EZH1: variants seen among roughly 807,000 people sequenced by gnomAD.
EZH1 encodes enhancer of zeste 1 polycomb repressive complex 2 subunit.
Under a neutral mutation model 100.5 loss-of-function variants are expected in EZH1, and 33 were observed. That is an observed-to-expected ratio of 0.33 (90% CI 0.25 to 0.44). The LOEUF (loss-of-function observed/expected upper bound fraction) is 0.44. Among genes scored for constraint, EZH1 ranks in the 20% least tolerant of loss-of-function variants. The pLI is 1.00. For synonymous variants in EZH1, 272 were observed against 313.8 expected (o/e 0.87, Z 1.41); for missense variants, 475 against 928.4 (o/e 0.51, Z 6.35).
rs2053225670 is a variant in EZH1 at position 42,700,823 on chromosome 17, G to GT, written c.*1708dup. The GT allele has an allele frequency of 6.6e-6, 1 of 152,324 alleles. No homozygotes were observed. Among genetic ancestry groups the GT allele is most frequent in the Non-Finnish European group, 1.5e-5 (1 of 68,130 alleles). The allele number at this position is 152,324 out of a possible 1,614,324, so 9.4% of individuals were successfully genotyped here. A position where few individuals can be genotyped will look rare whatever the true frequency, so the allele number is the denominator to read the frequency against. ...TCAGGAGTTGCTGGGTGCGGGGTAC[G>GT]TGTGTGCCCTCCAGTGTGGTGAGTG... On this transcript the variant is annotated 3_prime_UTR_variant, in exon 21 of 21. Coordinates refer to ENST00000428826, the MANE Select transcript of EZH1 (RefSeq NM_001991.5).
rs560437214 is a variant in EZH1, at chr17:42,701,605, T to G, written c.*927A>C. The G allele has an allele frequency of 2.0e-5, 3 of 152,896 alleles. No individual in the cohort carries two copies. Among genetic ancestry groups the G allele is most frequent in the African/African-American group, 7.2e-5 (3 of 41,440 alleles). 9.5% of individuals were successfully genotyped at this position (152,896 alleles called of 1,614,324 possible). ...AACACTGGCCATTGGGCCTTGCCTC[T>G]ATGGGGAATGGAAGGCCTGAAAACA... On this transcript the variant is annotated 3_prime_UTR_variant, in exon 21 of 21. Coordinates refer to ENST00000428826, the MANE Select transcript of EZH1 (RefSeq NM_001991.5).
intron 16 of EZH1, chr17:42,705,739 C>T (rs1442849117): frequency 3.7e-6 from 1 of 269,904 alleles, no homozygotes; most frequent in South Asian, 7.5e-5. Context: ...AGGCTGGTCT[C>T]GAACTCTTGA....
intron 1 of EZH1, among the ~76,000 whole-genome samples, chr17:42,731,373 A>G (rs1438593411): frequency 6.6e-6 from 1 of 152,040 alleles, no homozygotes; most frequent in Non-Finnish European, 1.5e-5. Context: ...TCGGCCTCCC[A>G]AAGTACTGGG....
chr17:42,721,461 C>G (rs185732161), intron 6 of EZH1, among the ~76,000 whole-genome samples: 118 of 152,262 alleles, frequency 7.7e-4, no homozygotes, highest in Admixed American at 3.0e-3. Flanking sequence ...CATTGCCATT[C>G]TCAGAGAAAG....
intron 14 of EZH1, among the ~76,000 whole-genome samples, 195 bp downstream of exon 14, chr17:42,708,681 A>G (rs1035844413): frequency 1.3e-5 from 2 of 152,126 alleles, no homozygotes; most frequent in African/African-American, 2.4e-5. Context: ...ACAGACCACA[A>G]GGCCCTTAAT....
chr17:42,717,572 G>T (rs983853412), intron 10 of EZH1, among the ~76,000 whole-genome samples: 3 of 152,130 alleles, frequency 2.0e-5, no homozygotes, highest in African/African-American at 4.8e-5. Context: ...CGGTCCATCT[G>T]GTTGATCACA....
In EZH1 at chr17:42,701,853, C is replaced by G. The variant is rs1404517710; in HGVS notation, c.*679G>C. ...CCTGGGCCCAAGCTTAGCAGTTTAA[C>G]TACTATCATCTGGCTGGTTCTCCCT... On this transcript the variant is annotated 3_prime_UTR_variant, in exon 21 of 21. Coordinates refer to ENST00000428826, the MANE Select transcript of EZH1 (RefSeq NM_001991.5). The G allele has an allele frequency of 6.6e-6, 1 of 152,404 alleles. No homozygotes were observed. Among genetic ancestry groups the G allele is most frequent in the Non-Finnish European group, 1.5e-5 (1 of 68,070 alleles). The allele number at this position is 152,404 out of a possible 1,614,324, so 9.4% of individuals were successfully genotyped here.
rs147811267 is a variant in EZH1 at position 42,737,532 on chromosome 17, G to A, written c.-102-6614C>T. Among the ~76,000 whole-genome samples, 561 of 152,294 alleles carry A rather than the reference G, an allele frequency of 3.7e-3. 4 individuals are homozygous for A. The highest frequency in any genetic ancestry group is 0.013 in the African/African-American group (534 of 41,566). On this transcript the variant is annotated intron_variant, in intron 1 of 20. Transcript: ENST00000428826. ...GTGAGAAGACAGATGGAGCCTGCAC[G>A]ATCAAGGCTGCAGGAGCAAGCTGTG...
Position 42,708,040 on chromosome 17 carries a change from G to A in EZH1, c.1578C>T (p.His526=). 6.2e-7 allele frequency: 1 copy of A among 1,613,216 alleles called. No individual in the cohort carries two copies. The highest frequency in any genetic ancestry group is 1.1e-5 in the South Asian group (1 of 91,012). ...AGGTGCTGTCACAGGGGCGGTCTGGGTGGTCGCAGGGTTGGTAGTTGTACA... is the reference window on the plus strand; with the variant it reads ...AGGTGCTGTCACAGGGGCGGTCTGGATGGTCGCAGGGTTGGTAGTTGTACA... ...TQVYNYQPCD[H]PDRPCDSTCP... The change falls in exon 15 of 21, where the codon CAC becomes CAT. Residue 526 remains histidine, a synonymous_variant. Transcript: ENST00000428826.
chr17:42,735,396 A>T (rs571451134), intron 1 of EZH1, among the ~76,000 whole-genome samples: 2 of 152,274 alleles, frequency 1.3e-5, no homozygotes, highest in Middle Eastern at 3.4e-3. Flanking sequence ...CAAATAAAAA[A>T]CTTAGCATTC....
At chr17:42,714,613 T>C (rs2053554756) in intron 10 of EZH1, 1 of 333,488 alleles carries the variant, frequency 3.0e-6, no homozygotes, top group South Asian at 2.8e-5. Flanking sequence ...TGTGAAAGTG[T>C]TGAAGGCACA....
At chr17:42,720,134 C>T in intron 7 of EZH1, 139 bp downstream of exon 7, 1 of 791,958 alleles carries the variant, frequency 1.3e-6, no homozygotes, top group Non-Finnish European at 1.9e-6. Flanking sequence ...GAAGCTATCA[C>T]TTAATGATCA....
At chr17:42,703,164 GTTTT>G (rs961939749) in intron 19 of EZH1, 15 of 550,574 alleles carry the variant, frequency 2.7e-5, no homozygotes, top group Middle Eastern at 4.7e-4. Flanking sequence ...TATAAGTGGG[GTTTT>G]TTGTTTTGTT....
intron 1 of EZH1, among the ~76,000 whole-genome samples, chr17:42,744,669 C>CCTCCCGCGCCCTTTGGGCGCTGGGG (rs1460726558): frequency 1.4e-4 from 22 of 152,218 alleles, no homozygotes; most frequent in Non-Finnish European, 2.6e-4. Context: ...GTGCCACCGC[C>CCTCCCGCGCCCTTTGGGCGCTGGGG]CTCCCGCGCC....
chr17:42,706,284 C>A lies in EZH1; in HGVS notation c.1661-99G>T. On this transcript the variant is annotated intron_variant, in intron 15 of 20. Coordinates refer to ENST00000428826, the MANE Select transcript of EZH1 (RefSeq NM_001991.5). The surrounding 1 kb of genome is among the most constrained non-coding windows in gnomAD (Gnocchi z 4.4). The stretch of plus-strand genomic sequence containing the variant: ...AGCAAAGAAGTAAATTTTTTGTGTT[C>A]AAGGATGTTTGGCAAAATAAGAGGA... 1 of 1,172,858 alleles carries A rather than the reference C, an allele frequency of 8.5e-7. No homozygotes were observed. Among genetic ancestry groups the A allele is most frequent in the Admixed American group, 2.8e-5 (1 of 35,334 alleles). 72.7% of individuals were successfully genotyped at this position (1,172,858 alleles called of 1,614,324 possible).
chr17:42,733,456 A>G (rs1161919924), intron 1 of EZH1, among the ~76,000 whole-genome samples: 1 of 151,884 alleles, frequency 6.6e-6, no homozygotes, highest in Non-Finnish European at 1.5e-5. Context: ...CCTGGCTAAC[A>G]TGGTGAAACC....
At chr17:42,741,917 C>T (rs923162626) in intron 1 of EZH1, among the ~76,000 whole-genome samples, 1 of 151,684 alleles carries the variant, frequency 6.6e-6, no homozygotes, top group African/African-American at 2.4e-5. Flanking sequence ...TCTCACACTT[C>T]TGAACTCAAG....
At chr17:42,723,878 C>T (rs1303154903) in intron 5 of EZH1, among the ~76,000 whole-genome samples, 3 of 152,182 alleles carry the variant, frequency 2.0e-5, no homozygotes, top group South Asian at 4.1e-4. Context: ...GATGAAAGGA[C>T]TGTGTGCACG....
intron 6 of EZH1, 49 bp from the exon 7 acceptor site, chr17:42,720,498 T>C: frequency 1.9e-6 from 3 of 1,545,834 alleles, no homozygotes; most frequent in Non-Finnish European, 8.7e-7. Context: ...TCACATTCCA[T>C]TAGTCCTCCT....
Sources: allele counts gnomAD v4.1 joint callset (sites outside exome capture counted in the v4.1 genomes callset), GRCh38; gene constraint gnomAD v4.1.1; non-coding constraint Gnocchi (gnomAD v3.1); transcripts MANE v1.5; gene names NCBI Gene and HGNC (gene_info 2026-07-23, HGNC 2026-07-21).